PDE4D: variants seen among roughly 807,000 people sequenced by gnomAD.
The protein encoded by PDE4D is phosphodiesterase 4D.
Under a neutral mutation model 87.4 loss-of-function variants are expected in PDE4D, and 24 were observed. That is an observed-to-expected ratio of 0.27 (90% CI 0.20 to 0.39). The LOEUF is 0.39. Ranked by LOEUF, PDE4D falls within the 10% of genes least tolerant of loss-of-function variation. The pLI, the probability that PDE4D is intolerant of heterozygous loss-of-function variation, is 1.00. For missense variants in PDE4D, 714 were observed against 1,041.0 expected (o/e 0.69, Z 4.32); for synonymous variants, 384 against 383.2 (o/e 1.00, Z -0.02).
intron 3 of PDE4D, among the ~76,000 whole-genome samples, chr5:59,936,377 T>C (rs1179928530): frequency 6.6e-6 from 1 of 152,074 alleles, no homozygotes; most frequent in African/African-American, 2.4e-5. Flanking sequence ...AGAAAAGAAA[T>C]GCAGCACTTC....
chr5:59,569,486 C>G (rs1204294730), intron 1 of PDE4D, among the ~76,000 whole-genome samples: 1 of 152,128 alleles, frequency 6.6e-6, no homozygotes, highest in Admixed American at 6.5e-5. Flanking sequence ...AAAATTTCAG[C>G]AAATCAATGT....
chr5:59,133,876 G>C (rs1776637411), intron 5 of PDE4D, among the ~76,000 whole-genome samples: 1 of 152,112 alleles, frequency 6.6e-6, no homozygotes. Flanking sequence ...TGACCAATGA[G>C]AGACAAAAGA....
intron 1 of PDE4D, among the ~76,000 whole-genome samples, chr5:59,500,596 G>T (rs1390492003): frequency 6.6e-6 from 1 of 152,030 alleles, no homozygotes; most frequent in Non-Finnish European, 1.5e-5. Flanking sequence ...GAACAACTGA[G>T]GATTCCAAAA....
intron 1 of PDE4D, among the ~76,000 whole-genome samples, chr5:60,303,307 C>CTTTTT: frequency 7.8e-6 from 1 of 127,802 alleles, no homozygotes; most frequent in African/African-American, 3.1e-5. Flanking sequence ...ATCTGGATTT[C>CTTTTT]TTTTTTTTTT....
intron 1 of PDE4D, among the ~76,000 whole-genome samples, chr5:59,257,828 A>G (rs754399752): frequency 1.1e-4 from 16 of 152,008 alleles, no homozygotes; most frequent in Non-Finnish European, 1.8e-4. Flanking sequence ...GGGCACTTTT[A>G]TGTCAGAAGC....
intron 1 of PDE4D, among the ~76,000 whole-genome samples, chr5:60,313,170 A>G (rs1027869945): frequency 6.6e-6 from 1 of 152,050 alleles, no homozygotes; most frequent in Non-Finnish European, 1.5e-5. Flanking sequence ...AATAAAATTG[A>G]TACACCACTA....
At chr5:59,728,104 C>T (rs761538499) in intron 1 of PDE4D, among the ~76,000 whole-genome samples, 11 of 152,012 alleles carry the variant, frequency 7.2e-5, no homozygotes, top group Non-Finnish European at 1.0e-4. Context: ...AATTTGTAGT[C>T]AGTAAACATA....
chr5:60,430,210 C>T lies in PDE4D; in HGVS notation c.-90+57732G>A, dbSNP rs928618743. 2.5e-5 allele frequency: 13 copies of T among 520,966 alleles called. No individual in the cohort carries two copies. The East Asian group carries it at 6.5e-4, about 26-fold the overall frequency. The allele number at this position is 520,966 out of a possible 1,614,324, so 32.3% of individuals were successfully genotyped here. ...CTTATGAATGTTGATGGGATATTCT[C>T]GGGTCACCATCTCGTTGATGGCGAA... On this transcript the variant is annotated intron_variant, in intron 1 of 16. Transcript: ENST00000502484.
In PDE4D at chr5:59,427,046, CACAT is replaced by C. The variant is rs1403826174; in HGVS notation, c.456-211082_456-211079del. Among the ~76,000 whole-genome samples, 16 of 75,840 alleles carry C rather than the reference CACAT, an allele frequency of 2.1e-4. No individual in the cohort carries two copies. The East Asian group carries it at 3.0e-3, about 14-fold the overall frequency. The allele number at this position is 75,840 out of a possible 152,430, so 49.8% of individuals were successfully genotyped here. A position where few individuals can be genotyped will look rare whatever the true frequency, so the allele number is the denominator to read the frequency against. On this transcript the variant is annotated intron_variant, in intron 1 of 14. Coordinates refer to ENST00000340635, the MANE Select transcript of PDE4D (RefSeq NM_001104631.2). ...ACACACACACACACACACACACACA[CACAT>C]TACATATATACAAATATATACTTTT... is the stretch of plus-strand genomic sequence containing the variant.
intron 1 of PDE4D, among the ~76,000 whole-genome samples, chr5:59,325,577 T>C (rs1561960113): frequency 6.6e-6 from 1 of 152,184 alleles, no homozygotes; most frequent in Non-Finnish European, 1.5e-5. Context: ...GATTATTGCT[T>C]GAGCATATTC....
intron 1 of PDE4D, among the ~76,000 whole-genome samples, chr5:59,416,080 C>T (rs1276570292): frequency 6.6e-6 from 1 of 152,192 alleles, no homozygotes; most frequent in African/African-American, 2.4e-5. Context: ...GGGCCCTGAA[C>T]ATGATCACAT....
chr5:59,958,658 A>C (rs1284596299), intron 3 of PDE4D, among the ~76,000 whole-genome samples: 1 of 152,130 alleles, frequency 6.6e-6, no homozygotes, highest in Non-Finnish European at 1.5e-5. Context: ...CATGATAAAA[A>C]CCCTCAGCAA....
At chr5:59,046,983 A>C (rs1287335055) in intron 5 of PDE4D, among the ~76,000 whole-genome samples, 1 of 152,170 alleles carries the variant, frequency 6.6e-6, no homozygotes, top group African/African-American at 2.4e-5. Flanking sequence ...TCAGCTACTA[A>C]TCTTTCTAGG....
chr5:59,980,528 T>C (rs1297454841), intron 3 of PDE4D, among the ~76,000 whole-genome samples: 1 of 152,202 alleles, frequency 6.6e-6, no homozygotes, highest in Non-Finnish European at 1.5e-5. Flanking sequence ...TCACCCTCTT[T>C]AGTGTTTTTA....
chr5:59,390,664 AG>A (rs1277722455), intron 1 of PDE4D, among the ~76,000 whole-genome samples: 1 of 152,166 alleles, frequency 6.6e-6, no homozygotes, highest in Admixed American at 6.5e-5. Context: ...ACATCGGTTC[AG>A]TTAGGTAAAA....
exon 3 of PDE4D, chr5:59,988,551 C>T (rs1362077247): frequency 6.9e-6 from 11 of 1,599,306 alleles, no homozygotes; most frequent in African/African-American, 4.0e-5. Flanking sequence ...GCTGGTTGGT[C>T]GTTGAATGTT....
intron 1 of PDE4D, among the ~76,000 whole-genome samples, chr5:59,489,074 C>A (rs1212640867): frequency 6.6e-6 from 1 of 151,838 alleles, no homozygotes; most frequent in African/African-American, 2.4e-5. Flanking sequence ...ATCACGCGGT[C>A]AAGAGATAGA....
chr5:59,488,633 A>G (rs905115311), intron 1 of PDE4D, among the ~76,000 whole-genome samples: 2 of 152,096 alleles, frequency 1.3e-5, no homozygotes, highest in Non-Finnish European at 2.9e-5. Flanking sequence ...TATTCAATAG[A>G]ACAATAAACC....
At chr5:59,188,971 G>A (rs13154277) in intron 3 of PDE4D, among the ~76,000 whole-genome samples, 14,760 of 152,160 alleles carry the variant, frequency 0.097, 895 homozygotes, top group Admixed American at 0.15. Context: ...GAAACGAGGT[G>A]ACTATCTTCT....
Sources: gnomAD v4.1 joint callset for allele counts (sites outside exome capture counted in the v4.1 genomes callset) on GRCh38, gnomAD v4.1.1 for gene constraint, MANE v1.5 for transcripts, NCBI Gene and HGNC (gene_info 2026-07-23, HGNC 2026-07-21) for gene names.